FBXO32: variants seen among roughly 807,000 people sequenced by gnomAD.
FBXO32 encodes F-box only protein 32.
FBXO32 carries 15 observed loss-of-function variants against 48.3 expected under a neutral mutation model. That is an observed-to-expected ratio of 0.31 (90% confidence interval 0.21 to 0.48). The LOEUF is 0.48. FBXO32 is among the 20% of genes least tolerant of loss of function. The pLI is 0.99. For synonymous variants in FBXO32, 154 were observed against 165.9 expected (o/e 0.93, Z 0.55); for missense variants, 309 against 432.7 (o/e 0.71, Z 2.54).
In FBXO32 at chr8:123,503,322, G is replaced by A. The variant is rs779947049; in HGVS notation, c.*51C>T. 2 of 1,464,580 alleles carry A rather than the reference G, an allele frequency of 1.4e-6. No homozygotes were observed. Among genetic ancestry groups the A allele is most frequent in the South Asian group, 2.3e-5 (2 of 87,334 alleles). 90.7% of individuals were successfully genotyped at this position (1,464,580 alleles called of 1,614,324 possible). ...GAAGTGTCCAAATGCCATATTCCCA[G>A]CTCTCCAGTCAGCAGGGGGACCCTT... On this transcript the variant is annotated 3_prime_UTR_variant, in exon 9 of 9. Transcript: ENST00000517956.
chr8:123,529,777 A>G (rs934616950), intron 4 of FBXO32, among the ~76,000 whole-genome samples: 5 of 152,242 alleles, frequency 3.3e-5, no homozygotes, highest in Non-Finnish European at 5.9e-5. Context: ...AAAAGATAAA[A>G]GGTGAAAATG....
Position 123,534,812 on chromosome 8 carries a change from T to C in FBXO32, c.119A>G (p.Tyr40Cys). The stretch of plus-strand genomic sequence containing the variant: ...CTTATTGTATACCTCCTTGTTGCAG[T>C]AACTATGAATAACAGAAGACAAAGA... ...SGSFVSDLSS[Y>C]CNKEVYNKEN... Residue 40 changes from tyrosine (Y) to cysteine (C), a missense_variant and splice_region_variant, in exon 2 of 9, where the codon TAC (tyrosine) becomes TGC (cysteine). Coordinates refer to ENST00000517956, the MANE Select transcript of FBXO32 (RefSeq NM_058229.4). 6.3e-7 allele frequency: 1 copy of C among 1,588,680 alleles called. No individual in the cohort carries two copies. The highest frequency in any genetic ancestry group is 8.6e-7 in the Non-Finnish European group (1 of 1,157,960).
intron 6 of FBXO32, among the ~76,000 whole-genome samples, chr8:123,511,125 T>C (rs2130512057): frequency 6.6e-6 from 1 of 152,332 alleles, no homozygotes. Flanking sequence ...GGATAAATAG[T>C]TGGAAGAAAG....
At chr8:123,534,327 T>G (rs537197559) in intron 2 of FBXO32, among the ~76,000 whole-genome samples, 2 of 152,256 alleles carry the variant, frequency 1.3e-5, no homozygotes, top group East Asian at 3.9e-4. Context: ...TTAATAAGAT[T>G]TATACAAGGA....
intron 6 of FBXO32, among the ~76,000 whole-genome samples, chr8:123,507,438 G>GGTGT (rs200031056): frequency 0.13 from 18,665 of 139,686 alleles, 1,273 homozygotes; most frequent in South Asian, 0.16. Context: ...TCTGTGCTAG[G>GGTGT]GTGTGTGTGT....
Position 123,540,050 on chromosome 8 carries a change from C to T in FBXO32, c.116+849G>A, listed in dbSNP as rs577512148. 6.6e-6 allele frequency among the ~76,000 whole-genome samples: 1 copy of T among 152,308 alleles called. No individual in the cohort carries two copies. Among genetic ancestry groups the T allele is most frequent in the African/African-American group, 2.4e-5 (1 of 41,556 alleles). ...CAAGCTGAGCAGGGAGCGCAGCGGA[C>T]CTCAGGTTTCCCGCCAGACCACAGA... On this transcript the variant is annotated intron_variant, in intron 1 of 8. Coordinates refer to ENST00000517956, the MANE Select transcript of FBXO32 (RefSeq NM_058229.4). This position sits in a 1 kb window ranked among gnomAD's most constrained non-coding sequence, Gnocchi z 6.4.
intron 4 of FBXO32, among the ~76,000 whole-genome samples, chr8:123,530,251 G>T (rs1199097117): frequency 1.3e-5 from 2 of 152,152 alleles, no homozygotes; most frequent in Non-Finnish European, 1.5e-5. Flanking sequence ...ACTTTGGACA[G>T]CCAAGCCTGC....
chr8:123,513,308 C>T lies in FBXO32; in HGVS notation c.541G>A (p.Val181Ile). The T allele has an allele frequency of 6.2e-7, 1 of 1,614,186 alleles. No individual in the cohort carries two copies. The highest frequency in any genetic ancestry group is 8.5e-7 in the Non-Finnish European group (1 of 1,180,012). Residue 181 changes from valine to isoleucine, a missense_variant, in exon 6 of 9, where the codon GTC becomes ATC. Physicochemically the swap from Val to Ile is conservative, Grantham distance 29 (BLOSUM62 3). Coordinates refer to ENST00000517956, the MANE Select transcript of FBXO32 (RefSeq NM_058229.4). The surrounding 1 kb of genome is among the most constrained non-coding windows in gnomAD (Gnocchi z 4.3). ...AGCACAGACTTGCCGACTCTTTGGA[C>T]CAGTGTACATAAGGATGTGTAGAGG... ...QTLYTSLCTL[V>I]QRVGKSVLVG...
chr8:123,539,430 T>C (rs984902634), intron 1 of FBXO32, among the ~76,000 whole-genome samples: 1 of 152,188 alleles, frequency 6.6e-6, no homozygotes, highest in African/African-American at 2.4e-5. Flanking sequence ...AGTCTGTCAA[T>C]AGCAGTTGGT....
chr8:123,503,804 A>G (rs1816551499), intron 8 of FBXO32, among the ~76,000 whole-genome samples: 2 of 152,312 alleles, frequency 1.3e-5, no homozygotes, highest in South Asian at 4.1e-4. Flanking sequence ...CAGGCTGGGC[A>G]CGATGGCTCA....
chr8:123,528,786 T>C (rs1285347611), intron 4 of FBXO32, among the ~76,000 whole-genome samples: 1 of 152,216 alleles, frequency 6.6e-6, no homozygotes, highest in African/African-American at 2.4e-5. Context: ...AGCATGAACA[T>C]AACAGATTTT....
Position 123,499,295 on chromosome 8 carries a change from A to C in FBXO32, c.*4078T>G, listed in dbSNP as rs1244124021. The C allele has an allele frequency of 2.6e-5, 4 of 152,192 alleles. No homozygotes were observed. Among genetic ancestry groups the C allele is most frequent in the Admixed American group, 6.5e-5 (1 of 15,284 alleles). 9.4% of individuals were successfully genotyped at this position (152,192 alleles called of 1,614,324 possible). A position where few individuals can be genotyped will look rare whatever the true frequency, so the allele number is the denominator to read the frequency against. ...TCTACAGAAAACACTGAATTTAAAC[A>C]AATTATGACCTTGTTTGTTGAAGCC... On this transcript the variant is annotated 3_prime_UTR_variant, in exon 9 of 9. Coordinates refer to ENST00000517956, the MANE Select transcript of FBXO32 (RefSeq NM_058229.4).
chr8:123,529,214 T>C (rs960805008), intron 4 of FBXO32, among the ~76,000 whole-genome samples: 1 of 152,226 alleles, frequency 6.6e-6, no homozygotes, highest in Non-Finnish European at 1.5e-5. Context: ...CTAAGATTAT[T>C]TAAAGCAAAG....
intron 4 of FBXO32, among the ~76,000 whole-genome samples, chr8:123,518,838 T>C (rs988097787): frequency 4.6e-5 from 7 of 152,058 alleles, no homozygotes; most frequent in Non-Finnish European, 7.4e-5. Flanking sequence ...TTTTTTTTTG[T>C]TGAGACAAAG....
Position 123,513,496 on chromosome 8 carries a change from G to A in FBXO32, c.467-114C>T. 1.1e-6 allele frequency: 1 copy of A among 895,030 alleles called. No homozygotes were observed. Among genetic ancestry groups the A allele is most frequent in the South Asian group, 1.8e-5 (1 of 56,820 alleles). 55.4% of individuals were successfully genotyped at this position (895,030 alleles called of 1,614,324 possible). On this transcript the variant is annotated intron_variant, in intron 5 of 8. Transcript: ENST00000517956. The surrounding 1 kb of genome is among the most constrained non-coding windows in gnomAD (Gnocchi z 4.3). ...TCATGTTACCCAGGCACTGCCTCTG[G>A]GGATATGGTTTTCTTCCTCACCAGT...
At chr8:123,527,153 G>A (rs1021644107) in intron 4 of FBXO32, 1 of 152,174 alleles carries the variant, frequency 6.6e-6, no homozygotes, top group South Asian at 2.1e-4. Flanking sequence ...CAGGCGGCAG[G>A]CTATTGACCT....
chr8:123,532,000 A>G lies in FBXO32; in HGVS notation c.280-10T>C. 6.2e-7 allele frequency: 1 copy of G among 1,613,946 alleles called. No individual in the cohort carries two copies. Among genetic ancestry groups the G allele is most frequent in the Middle Eastern group, 1.7e-4 (1 of 6,058 alleles). On this transcript the variant is annotated splice_polypyrimidine_tract_variant and intron_variant, in intron 3 of 8. Coordinates refer to ENST00000517956, the MANE Select transcript of FBXO32 (RefSeq NM_058229.4). ...TGCAATATCCATGGCGCTGAACATG[A>G]AAACAAAGGCACAGAAGTTACTCCT...
At chr8:123,523,603 AAC>A (rs56708503) in intron 4 of FBXO32, among the ~76,000 whole-genome samples, 14,816 of 101,650 alleles carry the variant, frequency 0.15, 792 homozygotes, top group African/African-American at 0.16. Context: ...CAAAACAAAC[AAC>A]AACAACAACA....
In FBXO32 at chr8:123,533,215, A is replaced by G. The variant is rs1265236989; in HGVS notation, c.255T>C (p.Tyr85=). The change falls in exon 3 of 9, where the codon TAT becomes TAC. Residue 85 remains tyrosine (Y), a synonymous_variant. Transcript: ENST00000517956. ...TQYFHQEKWI[Y]VHKGSTKERH... ...CCTCTTTAGTACTTCCTTTGTGAAC[A>G]TAGATCCATTTTTCTTGGTGGAAAT... 1.2e-6 allele frequency: 2 copies of G among 1,613,316 alleles called. No homozygotes were observed. The highest frequency in any genetic ancestry group is 1.7e-5 in the Admixed American group (1 of 60,030).
Sources: allele counts gnomAD v4.1 joint callset (sites outside exome capture counted in the v4.1 genomes callset), GRCh38; gene constraint gnomAD v4.1.1; non-coding constraint Gnocchi (gnomAD v3.1); transcripts MANE v1.5; gene names NCBI Gene and HGNC (gene_info 2026-07-23, HGNC 2026-07-21).